Variants in TSPEAR observed in about 807,000 individuals in gnomAD.
TSPEAR encodes thrombospondin type laminin G domain and EAR repeats, also known as thrombospondin-type laminin G domain and EAR repeat-containing protein.
A neutral mutation model predicts 71.6 loss-of-function variants in TSPEAR; 69 were observed. That is an observed-to-expected ratio of 0.96 (90% CI 0.79 to 1.18). TSPEAR has a LOEUF of 1.18. Ranked by LOEUF, TSPEAR falls within the 50% of genes most tolerant of loss-of-function variation. The pLI is 0.00. For missense variants in TSPEAR, 971 were observed against 894.9 expected (o/e 1.09, Z -1.09); for synonymous variants, 402 against 387.2 (o/e 1.04, Z -0.45).
intron 9 of TSPEAR, among the ~76,000 whole-genome samples, chr21:44,511,921 G>A (rs1166024283): frequency 3.9e-5 from 6 of 152,276 alleles, no homozygotes; most frequent in African/African-American, 1.4e-4. Context: ...TCTCAGTGAT[G>A]AGTGAGGTGC....
rs868996204 is a variant in TSPEAR at position 44,677,659 on chromosome 21, C to T, written c.82+33774G>A. ...TGAACCCCAGGGACCAACACTGTAT[C>T]ACCTGCGGTTGCTGAAGCTGGAGTA... On this transcript the variant is annotated intron_variant, in intron 1 of 11. Coordinates refer to ENST00000323084, the MANE Select transcript of TSPEAR (RefSeq NM_144991.3). The T allele has an allele frequency of 3.8e-6, 5 of 1,310,546 alleles. No homozygotes were observed. In the Middle Eastern group the frequency reaches 1.1e-3, roughly 282 times the overall value. The allele number at this position is 1,310,546 out of a possible 1,614,324, so 81.2% of individuals were successfully genotyped here. A position where few individuals can be genotyped will look rare whatever the true frequency, so the allele number is the denominator to read the frequency against.
chr21:44,643,228 A>C (rs1486025863), intron 1 of TSPEAR, among the ~76,000 whole-genome samples: 31 of 152,184 alleles, frequency 2.0e-4, no homozygotes, highest in Admixed American at 2.0e-3. Flanking sequence ...CAAAGCAGAG[A>C]GTAGAATGGG....
At chr21:44,580,584 G>C (rs1555924983) in intron 1 of TSPEAR, 1 of 1,604,644 alleles carries the variant, frequency 6.2e-7, no homozygotes, top group South Asian at 1.1e-5. Flanking sequence ...GCCATGCTGG[G>C]GTGGGGAAGA....
At chr21:44,505,061 T>G (rs587716646) in intron 10 of TSPEAR, among the ~76,000 whole-genome samples, 180 bp from the exon 11 acceptor site, 19 of 152,196 alleles carry the variant, frequency 1.2e-4, no homozygotes, top group Admixed American at 3.9e-4. Context: ...GTTGTTTGCT[T>G]AAAAAAAATT....
chr21:44,676,158 G>A lies in TSPEAR; in HGVS notation c.82+35275C>T, dbSNP rs1217460262. The stretch of plus-strand genomic sequence containing the variant: ...GGAATAGAAGCAGGGACTGCAGGTA[G>A]GAGAAGAAGTACTGGTACAAGCTAT... On this transcript the variant is annotated intron_variant, in intron 1 of 11. Coordinates refer to ENST00000323084, the MANE Select transcript of TSPEAR (RefSeq NM_144991.3). 13 of 1,033,312 alleles carry A rather than the reference G, an allele frequency of 1.3e-5. No individual in the cohort carries two copies. In the African/African-American group the frequency reaches 1.7e-4, roughly 14 times the overall value. 64.0% of individuals were successfully genotyped at this position (1,033,312 alleles called of 1,614,324 possible).
chr21:44,558,365 AGGCTTGCAGCAGACG>A (rs1347944584), intron 2 of TSPEAR: 18 of 1,612,716 alleles, frequency 1.1e-5, no homozygotes, highest in East Asian at 2.2e-5. Flanking sequence ...TGCAGCAGAC[AGGCTTGCAGCAGACG>A]GGCACACAGC....
chr21:44,508,861 G>T, intron 10 of TSPEAR: 1 of 1,417,600 alleles, frequency 7.1e-7, no homozygotes, highest in Non-Finnish European at 9.5e-7. Context: ...GTCCCTCTGG[G>T]GCCTCGGCTA....
At chr21:44,583,702 ATGGC>A (rs2146107535) in intron 1 of TSPEAR, among the ~76,000 whole-genome samples, 1 of 152,350 alleles carries the variant, frequency 6.6e-6, no homozygotes, top group African/African-American at 2.4e-5. Flanking sequence ...TTACTTGATA[ATGGC>A]TCATTATCCC....
At chr21:44,657,999 C>T (rs782186059) in intron 1 of TSPEAR, 3 of 1,613,574 alleles carry the variant, frequency 1.9e-6, no homozygotes, top group Non-Finnish European at 2.5e-6. Flanking sequence ...ACCAGCTGCT[C>T]CCCAGCCTGC....
At chr21:44,697,248 T>C in intron 1 of TSPEAR, 1 of 1,614,070 alleles carries the variant, frequency 6.2e-7, no homozygotes, top group Non-Finnish European at 8.5e-7. Context: ...CGCGTCTGCC[T>C]TCCTGGTTCC....
At chr21:44,708,555 GA>G (rs1555952961) in intron 1 of TSPEAR, among the ~76,000 whole-genome samples, 57 of 152,294 alleles carry the variant, frequency 3.7e-4, no homozygotes, top group African/African-American at 1.3e-3. Flanking sequence ...ACACCCCAGT[GA>G]TCTTTTAAGA....
chr21:44,685,825 C>T (rs1555948858), intron 1 of TSPEAR, among the ~76,000 whole-genome samples: 3 of 152,190 alleles, frequency 2.0e-5, no homozygotes, highest in Admixed American at 6.5e-5. Flanking sequence ...GGTGCAGACA[C>T]GCACCCATTG....
intron 1 of TSPEAR, chr21:44,646,830 T>C (rs1242646158): frequency 3.2e-6 from 5 of 1,571,858 alleles, no homozygotes; most frequent in Non-Finnish European, 4.3e-6. Context: ...GGGCTGCTTC[T>C]TCGTGCTGCC....
intron 2 of TSPEAR, chr21:44,550,720 A>G: frequency 6.2e-7 from 1 of 1,614,026 alleles, no homozygotes. Context: ...CCTGAGGAAA[A>G]GCTGCAGGAG....
At chr21:44,550,722 C>G in intron 2 of TSPEAR, 1 of 1,614,044 alleles carries the variant, frequency 6.2e-7, no homozygotes, top group South Asian at 1.1e-5. Flanking sequence ...TGAGGAAAAG[C>G]TGCAGGAGGC....
At chr21:44,503,790 G>T (rs638568) in intron 11 of TSPEAR, among the ~76,000 whole-genome samples, 32,809 of 111,222 alleles carry the variant, frequency 0.29, 2,787 homozygotes, top group Middle Eastern at 0.4. Context: ...CTGGGAGGAA[G>T]CTGGCCTCGG....
chr21:44,503,794 G>C (rs2052111998), intron 11 of TSPEAR, among the ~76,000 whole-genome samples: 1 of 140,564 alleles, frequency 7.1e-6, no homozygotes, highest in African/African-American at 2.8e-5. Flanking sequence ...GAGGAAGCTG[G>C]CCTCGGTGAG....
intron 2 of TSPEAR, chr21:44,558,496 AG>A: frequency 1.2e-6 from 2 of 1,613,872 alleles, no homozygotes; most frequent in Non-Finnish European, 1.7e-6. Context: ...GGCGTGCAGG[AG>A]CTGGTGCAGC....
At chr21:44,708,744 C>T (rs886280774) in intron 1 of TSPEAR, among the ~76,000 whole-genome samples, 1 of 152,310 alleles carries the variant, frequency 6.6e-6, no homozygotes, top group South Asian at 2.1e-4. Context: ...CTCCCTGAGG[C>T]CCTCCTGGAC....
Sources: gnomAD v4.1 joint callset for allele counts (sites outside exome capture counted in the v4.1 genomes callset) on GRCh38, gnomAD v4.1.1 for gene constraint, MANE v1.5 for transcripts, NCBI Gene and HGNC (gene_info 2026-07-23, HGNC 2026-07-21) for gene names.